The following ABHD12 variants were observed in gnomAD, a reference collection of about 807,000 sequenced individuals.
ABHD12 encodes the protein abhydrolase domain containing 12, lysophospholipase, also known as lysophosphatidylserine lipase ABHD12.
Under a neutral mutation model 58.3 loss-of-function variants are expected in ABHD12, and 43 were observed. The observed-to-expected ratio is 0.74, with a 90% CI of 0.58 to 0.95. ABHD12 has a LOEUF of 0.95. ABHD12 is among the 40% of genes least tolerant of loss of function. The pLI is 0.00. For missense variants in ABHD12, 539 were observed against 537.2 expected (o/e 1.00, Z -0.03); for synonymous variants, 219 against 211.2 (o/e 1.04, Z -0.32).
chr20:25,322,243 T>G (rs551069684), intron 3 of ABHD12, among the ~76,000 whole-genome samples: 18 of 151,496 alleles, frequency 1.2e-4, no homozygotes, highest in Non-Finnish European at 1.5e-4. Flanking sequence ...TGTAAACTTA[T>G]GGCTTAAAAA....
intron 6 of ABHD12, among the ~76,000 whole-genome samples, chr20:25,311,443 G>C (rs557214705): frequency 6.6e-6 from 1 of 152,244 alleles, no homozygotes; most frequent in Non-Finnish European, 1.5e-5. Flanking sequence ...GGGGGCTGCA[G>C]ATTCTGAATT....
Position 25,300,818 on chromosome 20 carries a change from C to T in ABHD12, c.*27G>A, listed in dbSNP as rs1188157209. 6.2e-7 allele frequency: 1 copy of T among 1,614,050 alleles called. No homozygotes were observed. Among genetic ancestry groups the T allele is most frequent in the South Asian group, 1.1e-5 (1 of 91,072 alleles). On this transcript the variant is annotated 3_prime_UTR_variant, in exon 13 of 13. Coordinates refer to ENST00000339157, the MANE Select transcript of ABHD12 (RefSeq NM_001042472.3). Reference sequence around the variant, plus strand: ...AGGAAAACGGGAGGAGGGCAGAGGTCTTCATGCTTCCTTCCCACGGCCAGG... The same window carrying T: ...AGGAAAACGGGAGGAGGGCAGAGGTTTTCATGCTTCCTTCCCACGGCCAGG...
intron 9 of ABHD12, among the ~76,000 whole-genome samples, chr20:25,307,489 A>G (rs1209844597): frequency 6.6e-6 from 1 of 152,258 alleles, no homozygotes. Flanking sequence ...CCAAGGTTCC[A>G]TTCCCAGCTG....
intron 5 of ABHD12, among the ~76,000 whole-genome samples, chr20:25,315,587 G>T (rs534802278): frequency 7.2e-5 from 11 of 151,884 alleles, no homozygotes; most frequent in Non-Finnish European, 1.6e-4. Flanking sequence ...CCCTTCTTTG[G>T]GGGGGTTGTT....
downstream of ABHD12, among the ~76,000 whole-genome samples, chr20:25,299,432 T>C (rs1241319540): frequency 6.6e-6 from 1 of 152,074 alleles, no homozygotes; most frequent in East Asian, 1.9e-4. Context: ...GCTTGTATTT[T>C]TAGTTTGTAT....
At chr20:25,379,388 C>T (rs1471316327) in intron 1 of ABHD12, among the ~76,000 whole-genome samples, 1 of 152,228 alleles carries the variant, frequency 6.6e-6, no homozygotes, top group South Asian at 2.1e-4. Context: ...GATGGCCTTG[C>T]TGCTTATTTC....
chr20:25,366,096 T>A (rs1044155759), intron 1 of ABHD12, among the ~76,000 whole-genome samples: 1 of 152,230 alleles, frequency 6.6e-6, no homozygotes, highest in African/African-American at 2.4e-5. Flanking sequence ...TCCTTTTCAA[T>A]GAATTATGCT....
downstream of ABHD12, chr20:25,295,537 C>G: frequency 5.2e-6 from 8 of 1,528,058 alleles, no homozygotes; most frequent in South Asian, 1.1e-5. Flanking sequence ...CCCTGGGACT[C>G]TCCCCTCGGG....
At chr20:25,353,471 T>C (rs766377183) in intron 1 of ABHD12, among the ~76,000 whole-genome samples, 4 of 152,136 alleles carry the variant, frequency 2.6e-5, no homozygotes, top group African/African-American at 4.8e-5. Context: ...TCTCAAAACA[T>C]GTGTTTGGGA....
Position 25,329,829 on chromosome 20 carries a change from C to T in ABHD12, c.317-6399G>A, listed in dbSNP as rs138400585. Among the ~76,000 whole-genome samples the T allele has an allele frequency of 6.0e-3, 919 of 152,192 alleles. 2 individuals carry two copies. Among genetic ancestry groups the T allele is most frequent in the Non-Finnish European group, 9.4e-3 (641 of 67,992 alleles). ...ATTACCTGATGCAGGCTTACAGGAC[C>T]TTCCGTATGAAAAAAGGGGATAAGA... On this transcript the variant is annotated intron_variant, in intron 2 of 12. Transcript: ENST00000339157.
intron 1 of ABHD12, among the ~76,000 whole-genome samples, chr20:25,373,318 G>A (rs981402592): frequency 3.9e-5 from 6 of 152,142 alleles, no homozygotes; most frequent in Non-Finnish European, 8.8e-5. Context: ...AAGCCGGGGC[G>A]GGTGGATCAC....
At chr20:25,304,221 A>G (rs1451901070) in intron 10 of ABHD12, among the ~76,000 whole-genome samples, 1 of 152,246 alleles carries the variant, frequency 6.6e-6, no homozygotes, top group African/African-American at 2.4e-5. Context: ...CCGTGAGGGC[A>G]GCGCTGGTGC....
chr20:25,305,425 C>T lies in ABHD12; in HGVS notation c.950+1408G>A, dbSNP rs1456095427. On this transcript the variant is annotated intron_variant, in intron 10 of 12. Coordinates refer to ENST00000339157, the MANE Select transcript of ABHD12 (RefSeq NM_001042472.3). ...TCGCCCAGGCTGGAGTGCAGTGGCG[C>T]GATCTCGGCCCACTACAACCTCTGC... Among the ~76,000 whole-genome samples the T allele has an allele frequency of 4.7e-5, 7 of 149,172 alleles. No individual in the cohort carries two copies. In the East Asian group the frequency reaches 1.0e-3, roughly 22 times the overall value.
At chr20:25,300,972 A>G (rs1278198398) in intron 12 of ABHD12, 88 bp from the exon 13 acceptor site, 1 of 1,415,996 alleles carries the variant, frequency 7.1e-7, no homozygotes, top group East Asian at 2.4e-5. Flanking sequence ...CTAAGGAAGC[A>G]GAGGCTGTGC....
chr20:25,360,793 C>T (rs900265383), intron 1 of ABHD12, among the ~76,000 whole-genome samples: 4 of 152,118 alleles, frequency 2.6e-5, no homozygotes, highest in African/African-American at 7.2e-5. Flanking sequence ...GTACCCGTGG[C>T]GGGAGGATCA....
At chr20:25,310,152 T>C (rs2088821855) in intron 6 of ABHD12, 1 of 155,706 alleles carries the variant, frequency 6.4e-6, no homozygotes, top group East Asian at 1.9e-4. Context: ...GCAGTGCAGA[T>C]GGCGTGGTCA....
At chr20:25,362,591 G>A (rs2089764965) in intron 1 of ABHD12, among the ~76,000 whole-genome samples, 1 of 118,028 alleles carries the variant, frequency 8.5e-6, no homozygotes, top group Admixed American at 9.2e-5. Context: ...GGCAGGGGAG[G>A]ACAGGGGAGG....
chr20:25,388,872 T>G (rs1030215692), intron 1 of ABHD12, among the ~76,000 whole-genome samples: 1 of 149,638 alleles, frequency 6.7e-6, no homozygotes, highest in African/African-American at 2.4e-5. Context: ...CGGCGAGATC[T>G]TGGCTCACCG....
chr20:25,362,731 A>G (rs1362906706), intron 1 of ABHD12, among the ~76,000 whole-genome samples: 5 of 150,800 alleles, frequency 3.3e-5, no homozygotes, highest in African/African-American at 9.8e-5. Flanking sequence ...CTAGAGTGCA[A>G]TGGCGCGATC....
Sources: gnomAD v4.1 joint callset for allele counts (sites outside exome capture counted in the v4.1 genomes callset) on GRCh38, gnomAD v4.1.1 for gene constraint, MANE v1.5 for transcripts, NCBI Gene and HGNC (gene_info 2026-07-23, HGNC 2026-07-21) for gene names.